Variants in PAK2 observed in about 807,000 individuals in gnomAD.
PAK2 encodes serine/threonine-protein kinase PAK 2.
A neutral mutation model predicts 65.9 loss-of-function variants in PAK2; 21 were observed. That is an observed-to-expected ratio of 0.32 (90% CI 0.23 to 0.46). The LOEUF is 0.46. Ranked by LOEUF, PAK2 falls within the 20% of genes least tolerant of loss-of-function variation. The pLI is 1.00. For synonymous variants in PAK2, 204 were observed against 219.7 expected, an observed-to-expected ratio of 0.93 and a Z score of 0.63; for missense variants, 324 against 642.6, an observed-to-expected ratio of 0.50 and a Z score of 5.36.
intron 2 of PAK2, among the ~76,000 whole-genome samples, chr3:196,795,809 G>A (rs1032565541): frequency 6.6e-6 from 1 of 152,224 alleles, no homozygotes; most frequent in African/African-American, 2.4e-5. Flanking sequence ...GGTGATGTCA[G>A]ATGGAAATGT....
rs60929724 is a variant in PAK2 at position 196,766,931 on chromosome 3, C to CGTGTGTGTGT, written c.-21-15660_-21-15651dup. Among the ~76,000 whole-genome samples the CGTGTGTGTGT allele has an allele frequency of 8.4e-3, 1,132 of 134,376 alleles. 8 individuals carry two copies. Among genetic ancestry groups the CGTGTGTGTGT allele is most frequent in the Admixed American group, 0.016 (211 of 12,844 alleles). The allele number at this position is 134,376 out of a possible 152,430, so 88.2% of individuals were successfully genotyped here. On this transcript the variant is annotated intron_variant, in intron 1 of 14. Transcript: ENST00000327134. ...AAAAAAAATAGAAACAAGTACACCC[C>CGTGTGTGTGT]GTGTGTGTGTGTGTGTGTGTGTGTG...
chr3:196,798,104 G>A (rs1427522239), intron 2 of PAK2, among the ~76,000 whole-genome samples: 1 of 152,022 alleles, frequency 6.6e-6, no homozygotes, highest in Admixed American at 6.6e-5. Flanking sequence ...ATAATAAAAA[G>A]CAAAATGGGA....
At chr3:196,764,830 T>G (rs113975272) in intron 1 of PAK2, among the ~76,000 whole-genome samples, 67,338 of 145,554 alleles carry the variant, frequency 0.46, 16,243 homozygotes, top group Non-Finnish European at 0.54. Flanking sequence ...AAATTTTCTT[T>G]TCTTTTCTTT....
At chr3:196,825,030 C>G (rs924882910) in intron 13 of PAK2, among the ~76,000 whole-genome samples, 3 of 152,104 alleles carry the variant, frequency 2.0e-5, no homozygotes, top group Admixed American at 6.6e-5. Flanking sequence ...CCTAAAACTT[C>G]TAAAAAATTA....
chr3:196,758,685 C>T (rs755893218), intron 1 of PAK2, among the ~76,000 whole-genome samples: 2 of 152,078 alleles, frequency 1.3e-5, no homozygotes, highest in Admixed American at 1.3e-4. Flanking sequence ...GAAAGTGTCT[C>T]GCTCTACTGC....
intron 2 of PAK2, among the ~76,000 whole-genome samples, chr3:196,801,101 T>C (rs1715410754): frequency 6.6e-6 from 1 of 152,148 alleles, no homozygotes; most frequent in African/African-American, 2.4e-5. Flanking sequence ...ATGTGGCAAT[T>C]AGTAACTCCA....
At position 196,815,053 on chromosome 3, in the gene PAK2, A is replaced by G. The variant is rs562225345; in HGVS notation, c.1053+485A>G. ...AAATTAGCCGGGCGTGTTGGCAGGT[A>G]CCTGTAGTCCCAGCTACTCAGGAGG... On this transcript the variant is annotated intron_variant, in intron 11 of 14. Coordinates refer to ENST00000327134, the MANE Select transcript of PAK2 (RefSeq NM_002577.4). Among the ~76,000 whole-genome samples, 506 of 151,604 alleles carry G rather than the reference A, an allele frequency of 3.3e-3. 3 individuals carry two copies. Among genetic ancestry groups the G allele is most frequent in the South Asian group, 0.011 (55 of 4,808 alleles).
chr3:196,773,849 G>A lies in PAK2; in HGVS notation c.-21-8777G>A, dbSNP rs184392919. Among the ~76,000 whole-genome samples, 1,093 of 152,004 alleles carry A rather than the reference G, an allele frequency of 7.2e-3. 9 individuals are homozygous for A. Among genetic ancestry groups the A allele is most frequent in the Non-Finnish European group, 9.0e-3 (615 of 67,958 alleles). On this transcript the variant is annotated intron_variant, in intron 1 of 14. Transcript: ENST00000327134. ...ATCACGCCACTGCACTCCAGCCTGG[G>A]CGACAGAATCTCAAAAAAAAGCAAA...
intron 13 of PAK2, among the ~76,000 whole-genome samples, chr3:196,825,942 C>G (rs1328808650): frequency 6.6e-6 from 1 of 152,056 alleles, no homozygotes; most frequent in Non-Finnish European, 1.5e-5. Flanking sequence ...CTCCCATATT[C>G]AAGCAGTTCT....
intron 10 of PAK2, among the ~76,000 whole-genome samples, chr3:196,813,748 G>C (rs4916556): frequency 6.6e-6 from 1 of 151,744 alleles, no homozygotes; most frequent in Non-Finnish European, 1.5e-5. Context: ...TCATGAGATC[G>C]AGACCATCCT....
chr3:196,772,286 G>A (rs1386465613), intron 1 of PAK2, among the ~76,000 whole-genome samples: 1 of 152,158 alleles, frequency 6.6e-6, no homozygotes, highest in Non-Finnish European at 1.5e-5. Flanking sequence ...CCTGTCCCCT[G>A]TGGCAGCCAT....
At chr3:196,777,631 G>C (rs1023386941) in intron 1 of PAK2, among the ~76,000 whole-genome samples, 4 of 152,090 alleles carry the variant, frequency 2.6e-5, no homozygotes, top group Non-Finnish European at 5.9e-5. Context: ...TTTTGAGAAC[G>C]GCTACTTTGA....
rs1241249884 is a variant in PAK2, at chr3:196,814,463, A to T, written c.948A>T (p.Gly316=). The T allele has an allele frequency of 8.2e-6, 11 of 1,347,508 alleles. No individual in the cohort carries two copies. Among genetic ancestry groups the T allele is most frequent in the South Asian group, 2.5e-5 (2 of 80,852 alleles). 83.5% of individuals were successfully genotyped at this position (1,347,508 alleles called of 1,614,324 possible). The change falls in exon 11 of 15, where the codon GGA becomes GGT. Residue 316 remains glycine, a synonymous_variant. Coordinates refer to ENST00000327134, the MANE Select transcript of PAK2 (RefSeq NM_002577.4). Reference sequence around the variant, plus strand: ...GTTGTATTTTTAGTTACCTGGTAGGAGATGAATTGTTTGTGGTCATGGAAT... The same window carrying T: ...GTTGTATTTTTAGTTACCTGGTAGGTGATGAATTGTTTGTGGTCATGGAAT... ...IVNFLDSYLV[G]DELFVVMEYL...
At chr3:196,782,971 G>T in intron 2 of PAK2, 138 bp downstream of exon 2, 1 of 465,338 alleles carries the variant, frequency 2.1e-6, no homozygotes. Flanking sequence ...CTATTAAAAA[G>T]ACTAGTTTAT....
chr3:196,811,329 TTCCC>T (rs1301161921), intron 8 of PAK2, among the ~76,000 whole-genome samples: 30 of 13,250 alleles, frequency 2.3e-3, no homozygotes, highest in Non-Finnish European at 3.9e-3. Context: ...CTTCCTTCCC[TTCCC>T]TCCCTTCCCT....
rs920221489 is a variant in PAK2, at chr3:196,802,515, C to A, written c.288+488C>A. Among the ~76,000 whole-genome samples, 3 of 151,974 alleles carry A rather than the reference C, an allele frequency of 2.0e-5. No individual in the cohort carries two copies. The East Asian group carries it at 5.8e-4, about 29-fold the overall frequency. On this transcript the variant is annotated intron_variant, in intron 3 of 14. Coordinates refer to ENST00000327134, the MANE Select transcript of PAK2 (RefSeq NM_002577.4). ...ATATCGTTTTCCTAGAGAGCAGAGCCTATTAATTATAGTTATGCAAAACAG... is the reference window on the plus strand; with the variant it reads ...ATATCGTTTTCCTAGAGAGCAGAGCATATTAATTATAGTTATGCAAAACAG...
At chr3:196,797,257 G>C (rs1471998045) in intron 2 of PAK2, among the ~76,000 whole-genome samples, 1 of 152,122 alleles carries the variant, frequency 6.6e-6, no homozygotes, top group Admixed American at 6.5e-5. Flanking sequence ...TTGAGGTCAG[G>C]AGTTCGAGAC....
intron 2 of PAK2, among the ~76,000 whole-genome samples, chr3:196,790,506 G>C (rs1053159000): frequency 6.6e-6 from 1 of 152,166 alleles, no homozygotes; most frequent in African/African-American, 2.4e-5. Context: ...ACCTCCCGTA[G>C]ATGGTTGTGT....
intron 1 of PAK2, among the ~76,000 whole-genome samples, chr3:196,778,963 C>T (rs751498555): frequency 3.9e-5 from 6 of 152,120 alleles, no homozygotes; most frequent in Non-Finnish European, 2.9e-5. Flanking sequence ...CATGACTTGT[C>T]GCTGGTGATG....
Sources: gnomAD v4.1 joint callset for allele counts (sites outside exome capture counted in the v4.1 genomes callset) on GRCh38, gnomAD v4.1.1 for gene constraint, MANE v1.5 for transcripts, NCBI Gene and HGNC (gene_info 2026-07-23, HGNC 2026-07-21) for gene names.